TBC1D9: variants seen among roughly 807,000 people sequenced by gnomAD.
TBC1D9 encodes TBC1 domain family member 9A.
Under a neutral mutation model 132.0 loss-of-function variants are expected in TBC1D9, and 63 were observed. The ratio of observed to expected loss-of-function variants is 0.48; its 90% CI spans 0.39 to 0.59. The LOEUF is 0.59. Among genes scored for constraint, TBC1D9 ranks in the 20% least tolerant of loss-of-function variants. The pLI is 0.00. For missense variants in TBC1D9, 1,261 were observed against 1,592.7 expected, an observed-to-expected ratio of 0.79 and a Z score of 3.54; for synonymous variants, 610 against 609.9, an observed-to-expected ratio of 1.00 and a Z score of 0.00.
chr4:140,681,368 C>G (rs907093935), intron 3 of TBC1D9, among the ~76,000 whole-genome samples: 2 of 152,192 alleles, frequency 1.3e-5, no homozygotes, highest in South Asian at 2.1e-4. Flanking sequence ...GTATTGAAAT[C>G]ATTTCCTGAG....
intron 1 of TBC1D9, among the ~76,000 whole-genome samples, chr4:140,751,796 CA>C (rs1738928265): frequency 1.3e-5 from 2 of 152,106 alleles, no homozygotes; most frequent in African/African-American, 2.4e-5. Flanking sequence ...AATCATATCT[CA>C]AAATATTCCA....
intron 1 of TBC1D9, among the ~76,000 whole-genome samples, chr4:140,742,645 A>G (rs1227607770): frequency 6.6e-6 from 1 of 152,008 alleles, no homozygotes; most frequent in Non-Finnish European, 1.5e-5. Context: ...TGACTTCTTC[A>G]CAGTTCTCTA....
At chr4:140,709,246 T>TCACACACA (rs1177824383) in intron 1 of TBC1D9, among the ~76,000 whole-genome samples, 26 of 102,378 alleles carry the variant, frequency 2.5e-4, no homozygotes, top group East Asian at 1.0e-3. Flanking sequence ...TCTCTCTCTC[T>TCACACACA]CTCACACACA....
intron 8 of TBC1D9, 36 bp downstream of exon 8, chr4:140,669,598 T>C (rs1737502501): frequency 5.7e-6 from 9 of 1,584,676 alleles, no homozygotes; most frequent in Middle Eastern, 1.7e-4. Flanking sequence ...ATTGTTCAAA[T>C]CTACAAAGTT....
At chr4:140,730,115 G>A (rs772481792) in intron 1 of TBC1D9, among the ~76,000 whole-genome samples, 1 of 152,174 alleles carries the variant, frequency 6.6e-6, no homozygotes, top group Non-Finnish European at 1.5e-5. Flanking sequence ...ACTTCATAAA[G>A]CTTCAGCCCT....
intron 16 of TBC1D9, among the ~76,000 whole-genome samples, chr4:140,630,330 C>T (rs749569735): frequency 2.6e-5 from 4 of 152,116 alleles, no homozygotes; most frequent in Non-Finnish European, 5.9e-5. Flanking sequence ...AAAATTAACT[C>T]TGATATTGAA....
intron 13 of TBC1D9, among the ~76,000 whole-genome samples, chr4:140,646,211 T>C (rs547918141): frequency 6.6e-6 from 1 of 152,294 alleles, no homozygotes; most frequent in Admixed American, 6.5e-5. Flanking sequence ...GAAATCGTAG[T>C]TTAGCCAAAA....
At chr4:140,743,915 G>A (rs886296209) in intron 1 of TBC1D9, among the ~76,000 whole-genome samples, 2 of 152,136 alleles carry the variant, frequency 1.3e-5, no homozygotes, top group Admixed American at 1.3e-4. Context: ...TTTCTAGGAC[G>A]CTTGGAGTAA....
In TBC1D9 at chr4:140,639,166, T is replaced by C; in HGVS notation, c.2437-12A>G. On this transcript the variant is annotated splice_polypyrimidine_tract_variant and intron_variant, in intron 14 of 20. Coordinates refer to ENST00000442267, the MANE Select transcript of TBC1D9 (RefSeq NM_015130.3). ...ACAATGGTTCGTACCTATAAAAATA[T>C]TAAGCAAAATGAATTTCACAAACTC... 6.4e-7 allele frequency: 1 copy of C among 1,560,712 alleles called. No homozygotes were observed. The highest frequency in any genetic ancestry group is 8.7e-7 in the Non-Finnish European group (1 of 1,150,234).
intron 9 of TBC1D9, among the ~76,000 whole-genome samples, chr4:140,668,685 G>C (rs1174898332): frequency 6.6e-6 from 1 of 152,208 alleles, no homozygotes; most frequent in African/African-American, 2.4e-5. Context: ...TATTTATAAA[G>C]ACTCGAAGGA....
intron 13 of TBC1D9, among the ~76,000 whole-genome samples, chr4:140,650,017 T>C (rs1157533400): frequency 6.6e-6 from 1 of 152,256 alleles, no homozygotes; most frequent in Non-Finnish European, 1.5e-5. Flanking sequence ...TTTTGAGATC[T>C]TTTGTCTACC....
At chr4:140,722,164 AACCAT>A (rs1236472972) in intron 1 of TBC1D9, among the ~76,000 whole-genome samples, 1 of 152,216 alleles carries the variant, frequency 6.6e-6, no homozygotes, top group African/African-American at 2.4e-5. Context: ...ACCAAGCTTC[AACCAT>A]AATAGCTTCA....
At chr4:140,713,424 A>C (rs762153726) in intron 1 of TBC1D9, among the ~76,000 whole-genome samples, 1 of 152,250 alleles carries the variant, frequency 6.6e-6, no homozygotes, top group Non-Finnish European at 1.5e-5. Context: ...TATGGCAGAA[A>C]TCAGAAACAT....
At chr4:140,725,075 T>C (rs1738477616) in intron 1 of TBC1D9, among the ~76,000 whole-genome samples, 1 of 152,146 alleles carries the variant, frequency 6.6e-6, no homozygotes, top group Admixed American at 6.6e-5. Flanking sequence ...TCCACAAATA[T>C]ATTTCACAAT....
chr4:140,673,904 G>A (rs1737581862), intron 6 of TBC1D9, among the ~76,000 whole-genome samples: 1 of 152,170 alleles, frequency 6.6e-6, no homozygotes, highest in African/African-American at 2.4e-5. Context: ...TCTAACACCC[G>A]GGAGGGGGAA....
At chr4:140,689,173 G>A (rs893102817) in intron 2 of TBC1D9, among the ~76,000 whole-genome samples, 4 of 152,110 alleles carry the variant, frequency 2.6e-5, no homozygotes, top group African/African-American at 9.7e-5. Flanking sequence ...TCACAGATAT[G>A]CCTTGTAGAG....
In TBC1D9 at chr4:140,706,192, G is replaced by A. The variant is rs897709655; in HGVS notation, c.131-4578C>T. Among the ~76,000 whole-genome samples, 3 of 152,102 alleles carry A rather than the reference G, an allele frequency of 2.0e-5. No individual in the cohort carries two copies. The highest frequency in any genetic ancestry group is 6.5e-5 in the Admixed American group (1 of 15,270). On this transcript the variant is annotated intron_variant, in intron 1 of 20. Coordinates refer to ENST00000442267, the MANE Select transcript of TBC1D9 (RefSeq NM_015130.3). This position sits in a 1 kb window ranked among gnomAD's most constrained non-coding sequence, Gnocchi z 4.0. Reference sequence around the variant, plus strand: ...CAGAAATGTGCTCATGGAAATGATCGATCCATCTACTGATGATCAGGGCTA... The same window carrying A: ...CAGAAATGTGCTCATGGAAATGATCAATCCATCTACTGATGATCAGGGCTA...
At chr4:140,720,726 G>T (rs1471733608) in intron 1 of TBC1D9, among the ~76,000 whole-genome samples, 1 of 152,196 alleles carries the variant, frequency 6.6e-6, no homozygotes, top group Non-Finnish European at 1.5e-5. Flanking sequence ...TAGGGGAAAG[G>T]CTCCTTAATG....
chr4:140,651,399 G>A (rs1392092142), intron 13 of TBC1D9, among the ~76,000 whole-genome samples: 2 of 152,182 alleles, frequency 1.3e-5, no homozygotes, highest in Non-Finnish European at 2.9e-5. Context: ...GGAGGTAGAG[G>A]TTGGAGTGAG....
Sources: gnomAD v4.1 joint callset for allele counts (sites outside exome capture counted in the v4.1 genomes callset) on GRCh38, gnomAD v4.1.1 for gene constraint, Gnocchi (gnomAD v3.1) non-coding constraint, MANE v1.5 for transcripts, NCBI Gene and HGNC (gene_info 2026-07-23, HGNC 2026-07-21) for gene names.